The following BCHE variants were observed in gnomAD, a reference collection of about 807,000 sequenced individuals.
BCHE encodes cholinesterase.
BCHE carries 48 observed loss-of-function variants against 51.3 expected under a neutral mutation model. The observed-to-expected ratio is 0.94, with a 90% CI of 0.74 to 1.19. The LOEUF (loss-of-function observed/expected upper bound fraction) is 1.19, where lower values mean the gene tolerates loss of function less well. Ranked by LOEUF, BCHE falls within the 50% of genes most tolerant of loss-of-function variation. BCHE has a pLI of 0.00. For synonymous variants in BCHE, 251 were observed against 238.0 expected (o/e 1.05, Z -0.50); for missense variants, 847 against 708.2 (o/e 1.20, Z -2.23).
At chr3:165,809,951 T>C (rs1175455535) in intron 2 of BCHE, among the ~76,000 whole-genome samples, 2 of 152,170 alleles carry the variant, frequency 1.3e-5, no homozygotes, top group Admixed American at 6.6e-5. Context: ...TTCCACTCTT[T>C]CGTTAGTATT....
chr3:165,789,296 A>AC (rs1309969158), intron 2 of BCHE, among the ~76,000 whole-genome samples: 1 of 94,648 alleles, frequency 1.1e-5, no homozygotes, highest in Admixed American at 1.3e-4. Flanking sequence ...CTTAACAACA[A>AC]AAAAAAGCAG....
chr3:165,828,793 TG>T (rs1714830360), intron 2 of BCHE, among the ~76,000 whole-genome samples: 2 of 152,124 alleles, frequency 1.3e-5, no homozygotes, highest in African/African-American at 4.8e-5. Flanking sequence ...ATATTCTAAA[TG>T]GTTATTTTTT....
At chr3:165,774,478 C>T (rs143828702) in intron 3 of BCHE, among the ~76,000 whole-genome samples, 50 of 151,908 alleles carry the variant, frequency 3.3e-4, no homozygotes, top group African/African-American at 8.7e-4. Context: ...GGATTACAGG[C>T]GCGTGCACCA....
At chr3:165,808,980 T>C (rs1412864285) in intron 2 of BCHE, among the ~76,000 whole-genome samples, 2 of 152,152 alleles carry the variant, frequency 1.3e-5, no homozygotes, top group South Asian at 2.1e-4. Context: ...AACTATCAAT[T>C]ATGGAGTAAT....
chr3:165,835,467 A>C (rs933315775), intron 1 of BCHE, among the ~76,000 whole-genome samples: 29 of 151,946 alleles, frequency 1.9e-4, no homozygotes, highest in Non-Finnish European at 2.7e-4. Flanking sequence ...ATAAATATTT[A>C]TTTCTACTTG....
chr3:165,819,607 A>G (rs1358277729), intron 2 of BCHE, among the ~76,000 whole-genome samples: 1 of 152,060 alleles, frequency 6.6e-6, no homozygotes, highest in Non-Finnish European at 1.5e-5. Context: ...TTTAATCAAC[A>G]TACTTATTTA....
intron 3 of BCHE, among the ~76,000 whole-genome samples, chr3:165,782,985 AG>A (rs1712766577): frequency 6.6e-6 from 1 of 152,120 alleles, no homozygotes; most frequent in Non-Finnish European, 1.5e-5. Flanking sequence ...TATGAATTTT[AG>A]GGGGACACAA....
chr3:165,831,870 A>G (rs542313183), intron 1 of BCHE, among the ~76,000 whole-genome samples: 45 of 152,304 alleles, frequency 3.0e-4, no homozygotes, highest in African/African-American at 9.1e-4. Flanking sequence ...TGTCTGGGAG[A>G]AGATTGTGGC....
At chr3:165,794,884 GA>G (rs1713310564) in intron 2 of BCHE, among the ~76,000 whole-genome samples, 2 of 151,812 alleles carry the variant, frequency 1.3e-5, no homozygotes, top group African/African-American at 4.8e-5. Flanking sequence ...ACATACAAAT[GA>G]AATACTGTAA....
rs1712939692 is a variant in BCHE, at chr3:165,786,143, A to T, written c.1684+2T>A. The T allele has an allele frequency of 2.5e-6, 4 of 1,610,980 alleles. No individual in the cohort carries two copies. The highest frequency in any genetic ancestry group is 2.5e-6 in the Non-Finnish European group (3 of 1,177,736). ...ATAACCAAACACTAAAAACAGACAC[A>T]CCTGTCATTTCCAAGACTTTTGGAA... On this transcript the variant is annotated splice_donor_variant, in intron 3 of 3. Coordinates refer to ENST00000264381, the MANE Select transcript of BCHE (RefSeq NM_000055.4). LOFTEE classifies it high-confidence loss of function.
Position 165,829,433 on chromosome 3 carries a change from C to G in BCHE, c.1517+84G>C. ...ATTAAAACATTTCTGTGTCTTTATA[C>G]TAAAGTCTACCCCAGAGACCAAGCA... On this transcript the variant is annotated intron_variant, in intron 2 of 3. Coordinates refer to ENST00000264381, the MANE Select transcript of BCHE (RefSeq NM_000055.4). 3 of 1,192,532 alleles carry G rather than the reference C, an allele frequency of 2.5e-6. No individual in the cohort carries two copies. The South Asian group carries it at 3.7e-5, about 15-fold the overall frequency. 73.9% of individuals were successfully genotyped at this position (1,192,532 alleles called of 1,614,324 possible). A position where few individuals can be genotyped will look rare whatever the true frequency, so the allele number is the denominator to read the frequency against.
At chr3:165,813,136 A>G (rs1714170061) in intron 2 of BCHE, among the ~76,000 whole-genome samples, 1 of 151,916 alleles carries the variant, frequency 6.6e-6, no homozygotes, top group Admixed American at 6.6e-5. Flanking sequence ...GGATTTAGCA[A>G]GAGAAGTTGC....
chr3:165,813,444 C>T (rs1429563180), intron 2 of BCHE, among the ~76,000 whole-genome samples: 2 of 151,436 alleles, frequency 1.3e-5, no homozygotes, highest in Admixed American at 1.3e-4. Flanking sequence ...GTGTCTATAT[C>T]TAAAGTAGGT....
At position 165,773,166 on chromosome 3, in the gene BCHE, C is replaced by T. The variant is rs1270602261; in HGVS notation, c.*216G>A. 4.3e-6 allele frequency: 2 copies of T among 464,010 alleles called. No homozygotes were observed. Among genetic ancestry groups the T allele is most frequent in the African/African-American group, 4.0e-5 (2 of 50,442 alleles). 28.7% of individuals were successfully genotyped at this position (464,010 alleles called of 1,614,324 possible). A position where few individuals can be genotyped will look rare whatever the true frequency, so the allele number is the denominator to read the frequency against. ...AATATGCACATAATTAACTGTAGAA[C>T]TTTATATTGTGAAATTTAATTAAAC... On this transcript the variant is annotated 3_prime_UTR_variant, in exon 4 of 4. Coordinates refer to ENST00000264381, the MANE Select transcript of BCHE (RefSeq NM_000055.4).
Position 165,817,493 on chromosome 3 carries a change from C to G in BCHE, c.1517+12024G>C, listed in dbSNP as rs377048273. ...TCTTTGTACTTCTCTGACCTTACCTCTTATCACTTCCCCTTCACATACCTA... is the reference window on the plus strand; with the variant it reads ...TCTTTGTACTTCTCTGACCTTACCTGTTATCACTTCCCCTTCACATACCTA... On this transcript the variant is annotated intron_variant, in intron 2 of 3. Coordinates refer to ENST00000264381, the MANE Select transcript of BCHE (RefSeq NM_000055.4). Among the ~76,000 whole-genome samples, 44 of 152,104 alleles carry G rather than the reference C, an allele frequency of 2.9e-4. No individual in the cohort carries two copies. In the South Asian group the frequency reaches 9.1e-3, roughly 32 times the overall value.
intron 3 of BCHE, among the ~76,000 whole-genome samples, chr3:165,776,644 T>G (rs186530752): frequency 9.5e-4 from 144 of 151,934 alleles, no homozygotes; most frequent in African/African-American, 3.4e-3. Flanking sequence ...GAACCCTAAC[T>G]TGTAGAAAGA....
chr3:165,836,819 C>T (rs1715206803), intron 1 of BCHE, among the ~76,000 whole-genome samples: 2 of 151,868 alleles, frequency 1.3e-5, no homozygotes, highest in South Asian at 4.2e-4. Context: ...CCAGTTGTTA[C>T]TGTTAAAGTT....
intron 2 of BCHE, among the ~76,000 whole-genome samples, chr3:165,794,952 T>G (rs1179314734): frequency 6.6e-6 from 1 of 152,116 alleles, no homozygotes; most frequent in Non-Finnish European, 1.5e-5. Context: ...AAAATCAGTC[T>G]TATCTATTTT....
At chr3:165,782,709 T>A (rs966997650) in intron 3 of BCHE, among the ~76,000 whole-genome samples, 1 of 152,098 alleles carries the variant, frequency 6.6e-6, no homozygotes, top group Non-Finnish European at 1.5e-5. Flanking sequence ...AGCAATTTAT[T>A]TTTCACAATT....
Sources: allele counts gnomAD v4.1 joint callset (sites outside exome capture counted in the v4.1 genomes callset), GRCh38; gene constraint gnomAD v4.1.1; transcripts MANE v1.5; gene names NCBI Gene and HGNC (gene_info 2026-07-23, HGNC 2026-07-21).